PRDM16: variants seen among roughly 807,000 people sequenced by gnomAD.
The protein encoded by PRDM16 is PR/SET domain 16.
In PRDM16, 23 loss-of-function variants were observed where a neutral mutation model predicts 110.6. That is an observed-to-expected ratio of 0.21 (90% CI 0.15 to 0.29). The LOEUF is 0.29. PRDM16 is among the 10% of genes least tolerant of loss of function. PRDM16 has a pLI of 1.00. For synonymous variants in PRDM16, 799 were observed against 781.8 expected, an observed-to-expected ratio of 1.02 and a Z score of -0.37; for missense variants, 1,615 against 1,794.3, an observed-to-expected ratio of 0.90 and a Z score of 1.81.
intron 1 of PRDM16, among the ~76,000 whole-genome samples, chr1:3,146,367 G>A (rs899874288): frequency 1.3e-5 from 2 of 152,248 alleles, no homozygotes. Context: ...CCAACCAGAA[G>A]CAATTCATAA....
At chr1:3,396,630 G>A (rs1179125659) in intron 5 of PRDM16, 37 bp downstream of exon 5, 2 of 906,710 alleles carry the variant, frequency 2.2e-6, no homozygotes, top group Non-Finnish European at 3.4e-6. Flanking sequence ...ACGGCCCCTG[G>A]GAGCCCCCAG....
intron 3 of PRDM16, among the ~76,000 whole-genome samples, chr1:3,266,195 G>C (rs1640285139): frequency 6.6e-6 from 1 of 152,232 alleles, no homozygotes; most frequent in Non-Finnish European, 1.5e-5. Context: ...GTAATGAGAA[G>C]TTAATAAAAG....
At chr1:3,330,349 TC>T in intron 3 of PRDM16, among the ~76,000 whole-genome samples, 1 of 152,304 alleles carries the variant, frequency 6.6e-6, no homozygotes, top group Non-Finnish European at 1.5e-5. Context: ...TAAGTCTTCA[TC>T]CTTTAATTGT....
At chr1:3,167,060 G>C (rs749711492) in intron 1 of PRDM16, among the ~76,000 whole-genome samples, 8 of 152,166 alleles carry the variant, frequency 5.3e-5, no homozygotes, top group Non-Finnish European at 1.2e-4. Context: ...TGCAGGGAGC[G>C]AACACAGGGA....
At chr1:3,111,756 G>T (rs990134881) in intron 1 of PRDM16, among the ~76,000 whole-genome samples, 2 of 151,964 alleles carry the variant, frequency 1.3e-5, no homozygotes, top group African/African-American at 4.8e-5. Context: ...TTTTTTCTTC[G>T]CGGCTGAAAA....
intron 1 of PRDM16, among the ~76,000 whole-genome samples, chr1:3,109,465 C>T (rs1642737238): frequency 6.6e-6 from 1 of 152,202 alleles, no homozygotes; most frequent in African/African-American, 2.4e-5. Flanking sequence ...GCTCCCTAAA[C>T]AGACGCTAAA....
intron 1 of PRDM16, among the ~76,000 whole-genome samples, chr1:3,170,126 C>T (rs373195054): frequency 3.3e-5 from 5 of 152,258 alleles, no homozygotes; most frequent in South Asian, 4.1e-4. Context: ...TGAGCGCGGA[C>T]GGGCTGGGAA....
In PRDM16 at chr1:3,265,223, T is replaced by C. The variant is rs984141070; in HGVS notation, c.438+21086T>C. On this transcript the variant is annotated intron_variant, in intron 3 of 16. Coordinates refer to ENST00000270722, the MANE Select transcript of PRDM16 (RefSeq NM_022114.4). The surrounding 1 kb of genome is among the most constrained non-coding windows in gnomAD (Gnocchi z 4.5). ...GAGCAGGGCTCTGGGTCCGGAGAAA[T>C]TGCAACCATGGCTTGACAACAGCTT... Among the ~76,000 whole-genome samples, 1 of 151,918 alleles carries C rather than the reference T, an allele frequency of 6.6e-6. No individual in the cohort carries two copies. Among genetic ancestry groups the C allele is most frequent in the Non-Finnish European group, 1.5e-5 (1 of 67,966 alleles).
rs193241720 is a variant in PRDM16 at position 3,426,085 on chromosome 1, G to T, written c.3144G>T (p.Leu1048=). ...SQHPGVLTNH[L]GTSASSPTSE... ...ACCCCGGGGTCCTCACGAACCACCT[G>T]GGGACCAGCGCGTCCTCTCCCACCT... Residue 1048 remains leucine, a synonymous_variant, in exon 14 of 17, where the codon CTG becomes CTT. Coordinates refer to ENST00000270722, the MANE Select transcript of PRDM16 (RefSeq NM_022114.4). 1.9e-5 allele frequency: 31 copies of T among 1,613,808 alleles called. No individual in the cohort carries two copies. The highest frequency in any genetic ancestry group is 3.3e-4 in the Middle Eastern group (2 of 6,044).
chr1:3,351,786 G>A lies in PRDM16; in HGVS notation c.439-33366G>A, dbSNP rs72632202. 5.2e-3 allele frequency among the ~76,000 whole-genome samples: 531 copies of A among 102,948 alleles called. 5 individuals carry two copies. The highest frequency in any genetic ancestry group is 0.038 in the Middle Eastern group (7 of 184). 67.5% of individuals were successfully genotyped at this position (102,948 alleles called of 152,430 possible). A position where few individuals can be genotyped will look rare whatever the true frequency, so the allele number is the denominator to read the frequency against. ...TTCTCTTCTTCCCTCCCTCTCTCTT[G>A]CTCTCTCTCACCATAGCCCCTCCTC... On this transcript the variant is annotated intron_variant, in intron 3 of 16. Coordinates refer to ENST00000270722, the MANE Select transcript of PRDM16 (RefSeq NM_022114.4).
At chr1:3,253,055 G>A (rs925846603) in intron 3 of PRDM16, among the ~76,000 whole-genome samples, 2 of 152,162 alleles carry the variant, frequency 1.3e-5, no homozygotes, top group East Asian at 1.9e-4. Context: ...TGTCACCCTC[G>A]CTTACAGAAT....
At chr1:3,410,118 T>C (rs551364032) in intron 8 of PRDM16, among the ~76,000 whole-genome samples, 2 of 151,234 alleles carry the variant, frequency 1.3e-5, no homozygotes, top group African/African-American at 2.4e-5. Flanking sequence ...GTGTGTGTGG[T>C]GTGTGTGCAT....
At chr1:3,171,200 C>A (rs543995223) in intron 1 of PRDM16, among the ~76,000 whole-genome samples, 1 of 152,326 alleles carries the variant, frequency 6.6e-6, no homozygotes, top group South Asian at 2.1e-4. Context: ...GCACGGCAGC[C>A]ACAGGCCCAG....
In PRDM16 at chr1:3,405,565, G is replaced by T; in HGVS notation, c.1103G>T (p.Cys368Phe). 1 of 1,611,030 alleles carries T rather than the reference G, an allele frequency of 6.2e-7. No homozygotes were observed. The highest frequency in any genetic ancestry group is 1.3e-5 in the African/African-American group (1 of 74,890). Reference protein sequence around the residue: ...SQHVGARAHACPDCGKTFATS... With the variant: ...SQHVGARAHAFPDCGKTFATS... ...CACGTGGGCGCTCGGGCCCACGCCT[G>T]CCCCGACTGCGGGAAGACCTTCGCC... The change falls in exon 8 of 17, where the codon TGC (cysteine) becomes TTC (phenylalanine). Residue 368 changes from cysteine (C) to phenylalanine (F), a missense_variant. Physicochemically the swap from Cys to Phe is radical, Grantham distance 205. Around this residue, in one of 5 missense-constraint regions of PRDM16, gnomAD observed 82 missense variants for 144.4 expected, o/e 0.57. Transcript: ENST00000270722.
At chr1:3,336,734 CTGTG>C (rs1394399948) in intron 3 of PRDM16, among the ~76,000 whole-genome samples, 2 of 145,376 alleles carry the variant, frequency 1.4e-5, no homozygotes, top group Non-Finnish European at 1.5e-5. Context: ...TGGTGTGAAT[CTGTG>C]TGTGAATGCC....
At chr1:3,196,498 C>T (rs912425951) in intron 2 of PRDM16, among the ~76,000 whole-genome samples, 2 of 152,244 alleles carry the variant, frequency 1.3e-5, no homozygotes, top group Non-Finnish European at 2.9e-5. Context: ...GCTGGGGACA[C>T]TTGGCAGAGA....
chr1:3,433,341 C>T (rs1271767890), intron 16 of PRDM16, among the ~76,000 whole-genome samples: 5 of 152,266 alleles, frequency 3.3e-5, no homozygotes, highest in African/African-American at 9.6e-5. Context: ...TCCTTCTGCC[C>T]CCTGTGGCCC....
At chr1:3,279,629 T>C (rs1340352344) in intron 3 of PRDM16, among the ~76,000 whole-genome samples, 2 of 152,174 alleles carry the variant, frequency 1.3e-5, no homozygotes, top group Non-Finnish European at 2.9e-5. Context: ...CAGACTCCTG[T>C]GCCACAGGCT....
intron 1 of PRDM16, among the ~76,000 whole-genome samples, chr1:3,149,216 G>A (rs1446262102): frequency 1.3e-5 from 2 of 152,216 alleles, no homozygotes; most frequent in Non-Finnish European, 2.9e-5. Context: ...TTGTGGCAGG[G>A]GCAGCCACTG....
Sources: allele counts gnomAD v4.1 joint callset (sites outside exome capture counted in the v4.1 genomes callset), GRCh38; gene constraint gnomAD v4.1.1; regional missense constraint gnomAD v4.1.1; non-coding constraint Gnocchi (gnomAD v3.1); transcripts MANE v1.5; gene names NCBI Gene and HGNC (gene_info 2026-07-23, HGNC 2026-07-21).